Variants in ATIC observed in about 807,000 individuals in gnomAD.
ATIC encodes the protein bifunctional purine biosynthesis protein ATIC.
Under a neutral mutation model 72.5 loss-of-function variants are expected in ATIC, and 64 were observed. The ratio of observed to expected loss-of-function variants is 0.88; its 90% CI spans 0.72 to 1.09. The LOEUF is 1.09. Ranked by LOEUF, ATIC falls within the 50% of genes least tolerant of loss-of-function variation. ATIC has a pLI of 0.00. For missense variants in ATIC, 787 were observed against 732.4 expected (o/e 1.07, Z -0.86); for synonymous variants, 281 against 267.1 (o/e 1.05, Z -0.51).
intron 12 of ATIC, among the ~76,000 whole-genome samples, chr2:215,342,922 A>G (rs1038673125): frequency 1.3e-5 from 2 of 152,150 alleles, no homozygotes; most frequent in African/African-American, 4.8e-5. Flanking sequence ...CAGGTGATCT[A>G]CCCGCCTGGG....
intron 14 of ATIC, chr2:215,347,645 T>C (rs746708547): frequency 1.1e-4 from 56 of 490,470 alleles, no homozygotes; most frequent in Non-Finnish European, 2.0e-4. Flanking sequence ...ATAAGTGTCA[T>C]TGAAGAGTGA....
chr2:215,316,386 A>G (rs566417013), intron 2 of ATIC, among the ~76,000 whole-genome samples: 1 of 152,252 alleles, frequency 6.6e-6, no homozygotes, highest in African/African-American at 2.4e-5. Context: ...GCTCCCCTTA[A>G]CAGGAGAATC....
chr2:215,325,311 G>A lies in ATIC; in HGVS notation c.361G>A (p.Val121Met), dbSNP rs1164663065. 6.2e-7 allele frequency: 1 copy of A among 1,613,380 alleles called. No homozygotes were observed. The highest frequency in any genetic ancestry group is 1.3e-5 in the African/African-American group (1 of 74,896). The change falls in exon 5 of 16, where the codon GTG becomes ATG. Residue 121 changes from valine (V) to methionine (M), a missense_variant. By Grantham distance (21) the Val-to-Met change is conservative. Transcript: ENST00000236959. ...ASPGVTVEEA[V>M]EQIDIGGVTL... is the part of the protein sequence containing the mutation. ...TCCAGGTGTAACTGTTGAGGAGGCT[G>A]TGGAGCAAATTGACATTGGTAAGTC...
At chr2:215,322,063 G>A (rs2052773723) in intron 4 of ATIC, among the ~76,000 whole-genome samples, 1 of 151,768 alleles carries the variant, frequency 6.6e-6, no homozygotes, top group South Asian at 2.1e-4. Context: ...ACCACACTTG[G>A]CTAATTTTTT....
intron 1 of ATIC, 134 bp downstream of exon 1, chr2:215,312,295 C>A: frequency 6.9e-7 from 1 of 1,441,712 alleles, no homozygotes; most frequent in Non-Finnish European, 9.2e-7. Context: ...CCCCGCTCCC[C>A]GGCCGGGCCG....
At chr2:215,321,527 CTA>C (rs2052766875) in intron 4 of ATIC, among the ~76,000 whole-genome samples, 2 of 152,256 alleles carry the variant, frequency 1.3e-5, no homozygotes, top group South Asian at 4.1e-4. Flanking sequence ...CATATGGTAA[CTA>C]TGTTTAGCTT....
At chr2:215,362,156 G>A in the ATIC span, 1 of 1,117,424 alleles carries the variant, frequency 8.9e-7, no homozygotes, top group Non-Finnish European at 1.3e-6. Context: ...TTGAGTTAAA[G>A]AAAAATGTCA....
intron 13 of ATIC, 33 bp downstream of exon 13, chr2:215,344,904 CTGT>C: frequency 1.3e-6 from 2 of 1,588,426 alleles, no homozygotes; most frequent in Non-Finnish European, 1.7e-6. Flanking sequence ...CTTCGGGGGA[CTGT>C]TGTTTTACGA....
At chr2:215,338,333 A>C (rs572085678) in intron 11 of ATIC, among the ~76,000 whole-genome samples, 1 of 152,212 alleles carries the variant, frequency 6.6e-6, no homozygotes, top group South Asian at 2.1e-4. Flanking sequence ...ATTTTGTAAC[A>C]GATTTTTAGA....
chr2:215,360,937 A>G, the ATIC span: 1 of 153,928 alleles, frequency 6.5e-6, no homozygotes, highest in Non-Finnish European at 1.5e-5. Flanking sequence ...AGTATAAAAA[A>G]TAATCACCCA....
downstream of ATIC, among the ~76,000 whole-genome samples, chr2:215,353,552 G>A (rs997489768): frequency 6.7e-6 from 1 of 150,336 alleles, no homozygotes; most frequent in Non-Finnish European, 1.5e-5. Flanking sequence ...CTAAGGTTTT[G>A]TTGTTGTTGT....
chr2:215,332,526 G>A lies in ATIC; in HGVS notation c.814+19G>A. On this transcript the variant is annotated intron_variant, in intron 8 of 15. Transcript: ENST00000236959. ...CCAGCAGGTAAAGCTCTGTGCTCTG[G>A]AAAGCTCCAGAATTGTTCGAAAGGC... 4 of 1,613,896 alleles carry A rather than the reference G, an allele frequency of 2.5e-6. No individual in the cohort carries two copies. Among genetic ancestry groups the A allele is most frequent in the Non-Finnish European group, 3.4e-6 (4 of 1,179,962 alleles).
the ATIC span, chr2:215,362,388 C>A: frequency 7.6e-6 from 3 of 396,710 alleles, no homozygotes; most frequent in African/African-American, 4.1e-5. Context: ...TCAACAAGTT[C>A]TCTGCACTAG....
intron 15 of ATIC, 66 bp from the exon 16 acceptor site, chr2:215,349,470 G>T: frequency 6.2e-7 from 1 of 1,611,566 alleles, no homozygotes; most frequent in Non-Finnish European, 8.5e-7. Flanking sequence ...CTTTTTAGAG[G>T]GGGATTTTGA....
chr2:215,353,062 T>TAA (rs2053142621), downstream of ATIC, among the ~76,000 whole-genome samples: 1 of 152,250 alleles, frequency 6.6e-6, no homozygotes, highest in Admixed American at 6.5e-5. Flanking sequence ...TGCAGGTTTA[T>TAA]AAATGTTCAC....
intron 4 of ATIC, among the ~76,000 whole-genome samples, chr2:215,324,498 G>C (rs750109194): frequency 6.6e-6 from 1 of 152,102 alleles, no homozygotes; most frequent in Non-Finnish European, 1.5e-5. Flanking sequence ...CATTTGTCTG[G>C]TTTTAGTAGG....
At chr2:215,353,596 A>T (rs2053146587), downstream of ATIC, among the ~76,000 whole-genome samples, 1 of 151,942 alleles carries the variant, frequency 6.6e-6, no homozygotes, top group Non-Finnish European at 1.5e-5. Flanking sequence ...ATTTTCATTC[A>T]TGTGGCCCAG....
chr2:215,361,870 TTTAA>T, the ATIC span: 7 of 1,482,872 alleles, frequency 4.7e-6, no homozygotes, highest in East Asian at 2.4e-5. Context: ...TGTTTTTTTT[TTTAA>T]TTAATTAAAA....
At chr2:215,321,796 T>C (rs1318182495) in intron 4 of ATIC, among the ~76,000 whole-genome samples, 1 of 152,268 alleles carries the variant, frequency 6.6e-6, no homozygotes, top group Non-Finnish European at 1.5e-5. Context: ...TGAGACCTCT[T>C]GTCCATTTTT....
Sources: allele counts gnomAD v4.1 joint callset (sites outside exome capture counted in the v4.1 genomes callset), GRCh38; gene constraint gnomAD v4.1.1; transcripts MANE v1.5; gene names NCBI Gene and HGNC (gene_info 2026-07-23, HGNC 2026-07-21).